Variants in STXBP5L observed in about 807,000 individuals in gnomAD.
STXBP5L encodes syntaxin binding protein 5L.
In STXBP5L, 65 loss-of-function variants were observed where a neutral mutation model predicts 144.5. The observed-to-expected ratio is 0.45, with a 90% CI of 0.37 to 0.55. The LOEUF is 0.55. Among genes scored for constraint, STXBP5L ranks in the 20% least tolerant of loss-of-function variants. The pLI, the probability that STXBP5L is intolerant of heterozygous loss-of-function variation, is 0.00. For missense variants in STXBP5L, 1,298 were observed against 1,405.5 expected, an observed-to-expected ratio of 0.92 and a Z score of 1.22; for synonymous variants, 505 against 469.6, an observed-to-expected ratio of 1.08 and a Z score of -0.97.
At chr3:121,004,863 G>A (rs924929928) in intron 3 of STXBP5L, among the ~76,000 whole-genome samples, 1 of 152,126 alleles carries the variant, frequency 6.6e-6, no homozygotes, top group Non-Finnish European at 1.5e-5. Context: ...TTATTGATTT[G>A]CATATGTTGA....
At chr3:121,209,701 T>C (rs2048480128) in intron 10 of STXBP5L, among the ~76,000 whole-genome samples, 1 of 152,094 alleles carries the variant, frequency 6.6e-6, no homozygotes, top group Admixed American at 6.6e-5. Flanking sequence ...TTTGTCCTTG[T>C]GATAGTTTGC....
chr3:121,049,665 T>G (rs1444343533), intron 5 of STXBP5L: 1 of 154,088 alleles, frequency 6.5e-6, no homozygotes, highest in Non-Finnish European at 1.5e-5. Context: ...TCCTGCAAGG[T>G]GCTGCAGAGA....
intron 5 of STXBP5L, among the ~76,000 whole-genome samples, chr3:121,100,793 C>T (rs1048976468): frequency 6.7e-6 from 1 of 148,166 alleles, no homozygotes; most frequent in African/African-American, 2.5e-5. Flanking sequence ...CACAATATAT[C>T]GACAAAAAAA....
intron 5 of STXBP5L, among the ~76,000 whole-genome samples, chr3:121,050,934 C>G (rs12491637): frequency 6.6e-6 from 1 of 151,784 alleles, no homozygotes; most frequent in Non-Finnish European, 1.5e-5. Context: ...GGGTTGCAAT[C>G]CTAGTCTCTG....
At position 121,114,926 on chromosome 3, in the gene STXBP5L, ATTAC is replaced by A. The variant is rs780085913; in HGVS notation, c.478_481del (p.Tyr160ValfsTer22). Reference sequence around the variant, plus strand: ...TAATTATAATTTTCTTTCTTTCAGAATTACTTACTGTCATCTACCTTTCCAGAGT... The same window carrying A: ...TAATTATAATTTTCTTTCTTTCAGAATTACTGTCATCTACCTTTCCAGAGT... On this transcript the variant is annotated frameshift_variant and splice_region_variant, in exon 6 of 27. Transcript: ENST00000471454. LOFTEE classifies it high-confidence loss of function. The A allele has an allele frequency of 6.6e-7, 1 of 1,509,308 alleles. No individual in the cohort carries two copies. The highest frequency in any genetic ancestry group is 8.8e-7 in the Non-Finnish European group (1 of 1,131,478). The allele number at this position is 1,509,308 out of a possible 1,614,324, so 93.5% of individuals were successfully genotyped here.
At chr3:120,965,179 A>G (rs1346868108) in intron 3 of STXBP5L, among the ~76,000 whole-genome samples, 2 of 152,152 alleles carry the variant, frequency 1.3e-5, no homozygotes. Context: ...GTGTCTTTGC[A>G]TATGAGATGG....
In STXBP5L at chr3:121,269,132, A is replaced by T. The variant is rs115460612; in HGVS notation, c.1958+9964A>T. Reference sequence around the variant, plus strand: ...TTTCAGTATCTGGACATTAGACATTAAGGGGGGAAAAAAGCATAAGACAAT... The same window carrying T: ...TTTCAGTATCTGGACATTAGACATTTAGGGGGGAAAAAAGCATAAGACAAT... On this transcript the variant is annotated intron_variant, in intron 18 of 26. Transcript: ENST00000471454. 4.1e-3 allele frequency among the ~76,000 whole-genome samples: 631 copies of T among 152,258 alleles called. 2 individuals are homozygous for T. Among genetic ancestry groups the T allele is most frequent in the African/African-American group, 0.014 (594 of 41,538 alleles).
intron 2 of STXBP5L, among the ~76,000 whole-genome samples, chr3:120,943,899 TTC>T (rs1175643717): frequency 1.3e-5 from 2 of 151,460 alleles, no homozygotes; most frequent in African/African-American, 4.8e-5. Context: ...TTCTCTCTTT[TTC>T]TCTGTCTCTT....
intron 20 of STXBP5L, among the ~76,000 whole-genome samples, chr3:121,352,633 G>A (rs930619013): frequency 6.6e-6 from 1 of 152,068 alleles, no homozygotes; most frequent in Non-Finnish European, 1.5e-5. Context: ...TGCAAACAGG[G>A]ACAATTTGAC....
chr3:120,960,674 A>G (rs1034314380), intron 3 of STXBP5L, among the ~76,000 whole-genome samples: 1 of 149,246 alleles, frequency 6.7e-6, no homozygotes, highest in African/African-American at 2.5e-5. Context: ...AAAACCAAAT[A>G]CCGCGTGTTC....
chr3:121,330,396 G>A (rs144243426), intron 20 of STXBP5L, among the ~76,000 whole-genome samples: 111 of 152,220 alleles, frequency 7.3e-4, no homozygotes, highest in Middle Eastern at 3.4e-3. Context: ...TGATTTCCCC[G>A]GGGCTGCTTC....
chr3:121,027,753 C>G (rs1946058010), intron 3 of STXBP5L, among the ~76,000 whole-genome samples: 1 of 152,100 alleles, frequency 6.6e-6, no homozygotes, highest in Non-Finnish European at 1.5e-5. Context: ...TTCATTCCAT[C>G]TGCAACCTTA....
chr3:121,191,016 C>T lies in STXBP5L; in HGVS notation c.878-14907C>T, dbSNP rs543200647. Among the ~76,000 whole-genome samples, 158 of 151,318 alleles carry T rather than the reference C, an allele frequency of 1.0e-3. 3 individuals carry two copies. The South Asian group carries it at 0.028, about 27-fold the overall frequency. ...GCAGAGACGCTCCTCACTTCCTAGA[C>T]GGGATGACTGCTGGGAAGAGGCGCT... On this transcript the variant is annotated intron_variant, in intron 9 of 26. Transcript: ENST00000471454.
intron 19 of STXBP5L, among the ~76,000 whole-genome samples, chr3:121,316,996 C>A (rs1252907143): frequency 6.6e-6 from 1 of 152,208 alleles, no homozygotes; most frequent in Non-Finnish European, 1.5e-5. Flanking sequence ...ACTCTTATAG[C>A]AACTCTGTGG....
At chr3:121,299,099 A>C (rs1041324516) in intron 19 of STXBP5L, among the ~76,000 whole-genome samples, 1 of 152,188 alleles carries the variant, frequency 6.6e-6, no homozygotes, top group Non-Finnish European at 1.5e-5. Flanking sequence ...GAAGGATAAT[A>C]TATAATCCTA....
At chr3:121,034,380 G>A (rs988153364) in intron 3 of STXBP5L, among the ~76,000 whole-genome samples, 2 of 152,060 alleles carry the variant, frequency 1.3e-5, no homozygotes, top group African/African-American at 2.4e-5. Flanking sequence ...AAGTGAGACT[G>A]TAATATTTCA....
intron 3 of STXBP5L, among the ~76,000 whole-genome samples, chr3:121,026,959 A>G (rs1279593782): frequency 6.6e-6 from 1 of 151,948 alleles, no homozygotes; most frequent in Non-Finnish European, 1.5e-5. Context: ...GGAAGCTCTG[A>G]GTAGACTTCT....
intron 7 of STXBP5L, among the ~76,000 whole-genome samples, chr3:121,149,058 G>A (rs2045833730): frequency 1.3e-5 from 2 of 152,170 alleles, no homozygotes; most frequent in South Asian, 4.1e-4. Flanking sequence ...TTAGAGAGGA[G>A]AGTGGGAATA....
intron 19 of STXBP5L, among the ~76,000 whole-genome samples, chr3:121,305,126 G>A (rs995010523): frequency 6.6e-6 from 1 of 152,114 alleles, no homozygotes; most frequent in African/African-American, 2.4e-5. Flanking sequence ...AAACACATTG[G>A]AAAATATAAG....
Sources: allele counts gnomAD v4.1 joint callset (sites outside exome capture counted in the v4.1 genomes callset), GRCh38; gene constraint gnomAD v4.1.1; transcripts MANE v1.5; gene names NCBI Gene and HGNC (gene_info 2026-07-23, HGNC 2026-07-21).